The following DNAH17 variants were observed in gnomAD, a reference collection of about 807,000 sequenced individuals.
DNAH17 encodes the protein dynein axonemal heavy chain 17.
A neutral mutation model predicts 485.6 loss-of-function variants in DNAH17; 376 were observed. The ratio of observed to expected loss-of-function variants is 0.77; its 90% CI spans 0.71 to 0.84. The LOEUF is 0.84. DNAH17 is among the 40% of genes least tolerant of loss of function. DNAH17 has a pLI of 0.00. For synonymous variants in DNAH17, 3,031 were observed against 2,405.9 expected (o/e 1.26, Z -7.60); for missense variants, 6,370 against 5,839.3 (o/e 1.09, Z -2.96).
intron 70 of DNAH17, among the ~76,000 whole-genome samples, chr17:78,445,284 C>A (rs1454062998): frequency 6.6e-6 from 1 of 150,574 alleles, no homozygotes; most frequent in Admixed American, 6.6e-5. Context: ...GCCCTGAGGC[C>A]TCTTCTGGCC....
In DNAH17 at chr17:78,515,705, TC is replaced by T. The variant is rs373541189; in HGVS notation, c.3865-684del. On this transcript the variant is annotated intron_variant, in intron 25 of 80. Transcript: ENST00000389840. ...GCATTCCCCTTGCCTGCCTTGGCAA[TC>T]ACAAAGGGGCATCGCCGAAATACAG... Among the ~76,000 whole-genome samples, 176 of 152,304 alleles carry T rather than the reference TC, an allele frequency of 1.2e-3. 3 individuals are homozygous for T. In the East Asian group the frequency reaches 0.022, roughly 19 times the overall value.
chr17:78,439,661 TTCAC>T lies in DNAH17; in HGVS notation c.11678-448_11678-445del, dbSNP rs2086989915. On this transcript the variant is annotated intron_variant, in intron 72 of 80. Coordinates refer to ENST00000389840, the MANE Select transcript of DNAH17 (RefSeq NM_173628.4). ...TCCACGTTGTAGCATGTATCAGTAC[TTCAC>T]TTTTTTTTTTTTTTTTTTTTTTGAG... Among the ~76,000 whole-genome samples the T allele has an allele frequency of 3.5e-5, 5 of 142,444 alleles. No individual in the cohort carries two copies. In the Admixed American group the frequency reaches 4.0e-4, roughly 11 times the overall value. 93.4% of individuals were successfully genotyped at this position (142,444 alleles called of 152,430 possible).
In DNAH17 at chr17:78,437,733, G is replaced by A. The variant is rs1397139703; in HGVS notation, c.11941C>T (p.Gln3981Ter). ...TTGATGGCGTTCTCCAGAATGCCCT[G>A]GGGGATGATGTGGGTCTCGGGGCTG... ...APSPETHIIPQGILENAIKIT... is the reference protein window; with the variant it reads ...APSPETHIIP The change falls in exon 74 of 81, where the codon CAG becomes TAG. Residue 3981 changes from glutamine (Q) to a stop codon, truncating the protein, a stop_gained. Coordinates refer to ENST00000389840, the MANE Select transcript of DNAH17 (RefSeq NM_173628.4). LOFTEE classifies it high-confidence loss of function. 3 of 1,612,568 alleles carry A rather than the reference G, an allele frequency of 1.9e-6. No individual in the cohort carries two copies. Among genetic ancestry groups the A allele is most frequent in the South Asian group, 2.2e-5 (2 of 91,072 alleles).
rs193275811 is a variant in DNAH17, at chr17:78,560,957, G to A, written c.1836-22C>T. Reference sequence around the variant, plus strand: ...GACCCTGGAATCAGAGCGGGAAGGCGAGGCCCCACTGGATATCTCCTGTGG... The same window carrying A: ...GACCCTGGAATCAGAGCGGGAAGGCAAGGCCCCACTGGATATCTCCTGTGG... On this transcript the variant is annotated intron_variant, in intron 12 of 80. Coordinates refer to ENST00000389840, the MANE Select transcript of DNAH17 (RefSeq NM_173628.4). The A allele has an allele frequency of 3.4e-4, 525 of 1,540,436 alleles. 3 individuals carry two copies. The highest frequency in any genetic ancestry group is 9.6e-5 in the African/African-American group (7 of 73,058).
chr17:78,428,709 T>A lies in DNAH17; in HGVS notation c.12406-2A>T. 1 of 1,612,932 alleles carries A rather than the reference T, an allele frequency of 6.2e-7. No individual in the cohort carries two copies. The highest frequency in any genetic ancestry group is 8.5e-7 in the Non-Finnish European group (1 of 1,179,052). On this transcript the variant is annotated splice_acceptor_variant, in intron 76 of 80. Coordinates refer to ENST00000389840, the MANE Select transcript of DNAH17 (RefSeq NM_173628.4). LOFTEE classifies it high-confidence loss of function. The stretch of plus-strand genomic sequence containing the variant: ...CTCATCGATGTATTCGTGGTAACCC[T>A]GAAAAAGAGGGCAGTTTGTAAGCAG...
At chr17:78,478,349 C>T (rs1390253462) in intron 51 of DNAH17, among the ~76,000 whole-genome samples, 1 of 147,190 alleles carries the variant, frequency 6.8e-6, no homozygotes, top group African/African-American at 2.5e-5. Context: ...TCACATCACC[C>T]ACATCACCAT....
chr17:78,565,858 G>A (rs780049754), intron 11 of DNAH17, among the ~76,000 whole-genome samples: 1 of 152,160 alleles, frequency 6.6e-6, no homozygotes, highest in Non-Finnish European at 1.5e-5. Context: ...GCTGAGGCAG[G>A]AGAATCGTTT....
At chr17:78,494,932 C>G (rs1490677960) in intron 39 of DNAH17, 27 bp downstream of exon 39, 1 of 1,598,854 alleles carries the variant, frequency 6.3e-7, no homozygotes, top group East Asian at 2.2e-5. Flanking sequence ...CCACCCACAC[C>G]CGCCGTGAGC....
chr17:78,569,975 A>G (rs146327119), intron 7 of DNAH17, among the ~76,000 whole-genome samples: 60 of 152,324 alleles, frequency 3.9e-4, no homozygotes, highest in African/African-American at 1.1e-3. Flanking sequence ...CCCACAAAGC[A>G]CTAGATGGGT....
intron 69 of DNAH17, among the ~76,000 whole-genome samples, chr17:78,447,154 C>T (rs2087343884): frequency 6.6e-6 from 1 of 151,980 alleles, no homozygotes; most frequent in Non-Finnish European, 1.5e-5. Context: ...TAGTCTCAAA[C>T]CGCCTCAAGT....
rs2092136496 is a variant in DNAH17 at position 78,560,771 on chromosome 17, C to T, written c.2000G>A (p.Ser667Asn). The T allele has an allele frequency of 6.4e-7, 1 of 1,552,170 alleles. No individual in the cohort carries two copies. Among genetic ancestry groups the T allele is most frequent in the Non-Finnish European group, 8.7e-7 (1 of 1,147,298 alleles). The change falls in exon 13 of 81, where the codon AGC becomes AAC. Residue 667 changes from serine (S) to asparagine (N), a missense_variant. By Grantham distance (46) the Ser-to-Asn change is conservative (BLOSUM62 1). Transcript: ENST00000389840. ...GQPLILRDAA[S>N]NLIHVNFSKA... ...GCTGAAGTTGACGTGGATGAGGTTG[C>T]TAGCGGCGTCCCGCAGAATCAGCGG...
At chr17:78,512,538 G>A (rs932547086) in intron 26 of DNAH17, among the ~76,000 whole-genome samples, 2 of 151,652 alleles carry the variant, frequency 1.3e-5, no homozygotes, top group Admixed American at 6.6e-5. Context: ...GAAGGCACTT[G>A]AGAAGAAGCA....
intron 16 of DNAH17, among the ~76,000 whole-genome samples, chr17:78,547,040 G>T (rs533013228): frequency 6.6e-6 from 1 of 152,088 alleles, no homozygotes. Context: ...CCATGGATAT[G>T]GTTTCTACCA....
rs897269180 is a variant in DNAH17 at position 78,539,057 on chromosome 17, C to T, written c.2676+680G>A. Among the ~76,000 whole-genome samples, 7 of 152,160 alleles carry T rather than the reference C, an allele frequency of 4.6e-5. No homozygotes were observed. In the South Asian group the frequency reaches 1.5e-3, roughly 32 times the overall value. ...ACCAGCCTGGCTAAGATGGTGAACC[C>T]TTGCCTCTACTAAAAATACAAAAAT... On this transcript the variant is annotated intron_variant, in intron 18 of 80. Coordinates refer to ENST00000389840, the MANE Select transcript of DNAH17 (RefSeq NM_173628.4).
intron 79 of DNAH17, 149 bp from the exon 80 acceptor site, chr17:78,425,720 G>A (rs1385426241): frequency 1.8e-6 from 1 of 558,556 alleles, no homozygotes; most frequent in East Asian, 3.2e-5. Flanking sequence ...GGGCCATGGA[G>A]CCCAGCCACC....
intron 36 of DNAH17, chr17:78,499,555 A>C (rs1385691994): frequency 6.6e-6 from 1 of 152,528 alleles, no homozygotes; most frequent in African/African-American, 2.4e-5. Context: ...AATCAGAAGG[A>C]CTCGTCCCAT....
At chr17:78,535,994 A>C (rs940413221) in intron 19 of DNAH17, among the ~76,000 whole-genome samples, 4 of 152,090 alleles carry the variant, frequency 2.6e-5, no homozygotes, top group Admixed American at 2.6e-4. Context: ...CGGGGAGCTG[A>C]ATTTCCCATG....
At chr17:78,459,246 T>C (rs2087968590) in intron 60 of DNAH17, 38 bp from the exon 61 acceptor site, 2 of 1,595,690 alleles carry the variant, frequency 1.3e-6, no homozygotes, top group Non-Finnish European at 1.7e-6. Context: ...CGTCACCCTG[T>C]CCTGCTCTGG....
intron 51 of DNAH17, among the ~76,000 whole-genome samples, chr17:78,478,517 AC>A (rs1259680544): frequency 1.3e-5 from 2 of 150,260 alleles, no homozygotes; most frequent in Admixed American, 1.3e-4. Context: ...CATCACCCTC[AC>A]CACCACCATC....
Sources: allele counts gnomAD v4.1 joint callset (sites outside exome capture counted in the v4.1 genomes callset), GRCh38; gene constraint gnomAD v4.1.1; transcripts MANE v1.5; gene names NCBI Gene and HGNC (gene_info 2026-07-23, HGNC 2026-07-21).